Variants in ARHGAP15 observed in about 807,000 individuals in gnomAD.
The protein encoded by ARHGAP15 is Rho GTPase activating protein 15, also known as rho GTPase-activating protein 15.
Under a neutral mutation model 63.7 loss-of-function variants are expected in ARHGAP15, and 51 were observed. That is an observed-to-expected ratio of 0.80 (90% CI 0.64 to 1.01). ARHGAP15 has a LOEUF of 1.01. Ranked by LOEUF, ARHGAP15 falls within the 50% of genes least tolerant of loss-of-function variation. The pLI, the probability that ARHGAP15 is intolerant of heterozygous loss-of-function variation, is 0.00. For synonymous variants in ARHGAP15, 191 were observed against 193.8 expected, an observed-to-expected ratio of 0.99 and a Z score of 0.12; for missense variants, 560 against 564.6, an observed-to-expected ratio of 0.99 and a Z score of 0.08.
At chr2:143,255,269 C>T (rs1012741125) in intron 6 of ARHGAP15, among the ~76,000 whole-genome samples, 3 of 151,510 alleles carry the variant, frequency 2.0e-5, no homozygotes, top group African/African-American at 7.3e-5. Context: ...CTGTTATCCT[C>T]CCCCCGCCAC....
chr2:143,627,865 T>C (rs1698899105), intron 12 of ARHGAP15, among the ~76,000 whole-genome samples: 1 of 152,112 alleles, frequency 6.6e-6, no homozygotes, highest in African/African-American at 2.4e-5. Flanking sequence ...AAGGTACATG[T>C]GTAGGTTTGT....
chr2:143,461,965 C>A (rs1008207827), intron 8 of ARHGAP15, among the ~76,000 whole-genome samples: 1 of 151,976 alleles, frequency 6.6e-6, no homozygotes, highest in African/African-American at 2.4e-5. Flanking sequence ...GCAGCCTGGG[C>A]AACATGGCAA....
intron 6 of ARHGAP15, among the ~76,000 whole-genome samples, chr2:143,263,185 A>T (rs1680815244): frequency 1.3e-5 from 2 of 152,174 alleles, no homozygotes; most frequent in African/African-American, 4.8e-5. Flanking sequence ...ATTTAGTAAG[A>T]ACGGCAGATC....
intron 12 of ARHGAP15, among the ~76,000 whole-genome samples, chr2:143,660,272 T>A (rs76809481): frequency 0.027 from 4,151 of 152,300 alleles, 83 homozygotes; most frequent in East Asian, 0.078. Context: ...ATTCTTCAAC[T>A]GTTGAATGTC....
intron 2 of ARHGAP15, among the ~76,000 whole-genome samples, chr2:143,167,338 C>T (rs377587915): frequency 3.9e-5 from 6 of 152,202 alleles, no homozygotes; most frequent in East Asian, 1.9e-4. Flanking sequence ...ATTTTACTAA[C>T]GTGCACCCCA....
At chr2:143,664,132 C>G (rs1462132815) in intron 12 of ARHGAP15, among the ~76,000 whole-genome samples, 6 of 152,238 alleles carry the variant, frequency 3.9e-5, no homozygotes, top group Admixed American at 3.9e-4. Flanking sequence ...CCACACCACA[C>G]CACACCTATT....
intron 3 of ARHGAP15, 80 bp downstream of exon 3, chr2:143,202,282 A>G: frequency 1.7e-6 from 2 of 1,155,920 alleles, no homozygotes; most frequent in Non-Finnish European, 2.6e-6. Context: ...AGAACAGCTT[A>G]AGTTATTATC....
chr2:143,357,526 T>C (rs1009555080), intron 6 of ARHGAP15, among the ~76,000 whole-genome samples: 1 of 152,224 alleles, frequency 6.6e-6, no homozygotes, highest in African/African-American at 2.4e-5. Context: ...TCCTCTTTAA[T>C]GCTTGGTTCT....
intron 13 of ARHGAP15, chr2:143,706,375 G>A (rs1415676728): frequency 6.6e-6 from 1 of 152,178 alleles, no homozygotes; most frequent in Non-Finnish European, 1.5e-5. Context: ...TGTATGTAGT[G>A]TTTATTCCAA....
At chr2:143,439,588 T>G (rs985983651) in intron 8 of ARHGAP15, among the ~76,000 whole-genome samples, 2 of 151,596 alleles carry the variant, frequency 1.3e-5, no homozygotes, top group Non-Finnish European at 2.9e-5. Context: ...CTGTTCCAAG[T>G]GCTTGTCTTA....
intron 6 of ARHGAP15, among the ~76,000 whole-genome samples, chr2:143,272,264 A>G (rs1179153754): frequency 6.6e-6 from 1 of 152,192 alleles, no homozygotes; most frequent in Non-Finnish European, 1.5e-5. Context: ...AGGAGAGCTA[A>G]CAAGGGCTTT....
chr2:143,735,169 A>G (rs1685697245), intron 13 of ARHGAP15, among the ~76,000 whole-genome samples: 1 of 152,184 alleles, frequency 6.6e-6, no homozygotes, highest in Non-Finnish European at 1.5e-5. Context: ...TTTATAAGCC[A>G]TGGTTTCTGG....
intron 6 of ARHGAP15, among the ~76,000 whole-genome samples, chr2:143,252,929 G>T (rs186707239): frequency 6.6e-6 from 1 of 152,112 alleles, no homozygotes; most frequent in African/African-American, 2.4e-5. Flanking sequence ...TAAAAACATG[G>T]TATTAAGGCA....
chr2:143,431,093 G>T (rs1450080813), intron 6 of ARHGAP15, among the ~76,000 whole-genome samples: 2 of 151,988 alleles, frequency 1.3e-5, no homozygotes, highest in African/African-American at 2.4e-5. Context: ...TCAGAGCTAG[G>T]ATTTTGCATG....
chr2:143,445,875 CAA>C (rs1486375648), intron 8 of ARHGAP15, among the ~76,000 whole-genome samples: 1 of 152,040 alleles, frequency 6.6e-6, no homozygotes, highest in East Asian at 1.9e-4. Flanking sequence ...TAATATATAA[CAA>C]ATAATTACAG....
At chr2:143,281,956 G>T (rs997274757) in intron 6 of ARHGAP15, among the ~76,000 whole-genome samples, 2 of 152,008 alleles carry the variant, frequency 1.3e-5, no homozygotes, top group African/African-American at 2.4e-5. Flanking sequence ...TTCACTCTCA[G>T]ACTAAATGAA....
At chr2:143,721,772 C>T (rs1317875018) in intron 13 of ARHGAP15, among the ~76,000 whole-genome samples, 35 of 152,014 alleles carry the variant, frequency 2.3e-4, no homozygotes, top group Admixed American at 2.2e-3. Flanking sequence ...CTGCAAGCTC[C>T]GCCTCCCGGG....
intron 8 of ARHGAP15, among the ~76,000 whole-genome samples, chr2:143,454,883 C>T (rs964111129): frequency 6.6e-6 from 1 of 152,006 alleles, no homozygotes; most frequent in Non-Finnish European, 1.5e-5. Flanking sequence ...CACACATTCA[C>T]ATCACAGACA....
At chr2:143,578,101 C>A (rs1018248164) in intron 11 of ARHGAP15, among the ~76,000 whole-genome samples, 1 of 152,008 alleles carries the variant, frequency 6.6e-6, no homozygotes, top group Admixed American at 6.6e-5. Context: ...GTACATAAAC[C>A]TCACAGCAAT....
Sources: gnomAD v4.1 joint callset for allele counts (sites outside exome capture counted in the v4.1 genomes callset) on GRCh38, gnomAD v4.1.1 for gene constraint, MANE v1.5 for transcripts, NCBI Gene and HGNC (gene_info 2026-07-23, HGNC 2026-07-21) for gene names.